The following CD9 variants were observed in gnomAD, a reference collection of about 807,000 sequenced individuals.
The protein encoded by CD9 is CD9 molecule.
Under a neutral mutation model 31.4 loss-of-function variants are expected in CD9, and 10 were observed. The observed-to-expected ratio is 0.32, with a 90% CI of 0.20 to 0.54. CD9 has a LOEUF of 0.54. Ranked by LOEUF, CD9 falls within the 20% of genes least tolerant of loss-of-function variation. The pLI is 0.94. For synonymous variants in CD9, 113 were observed against 114.1 expected (o/e 0.99, Z 0.06); for missense variants, 259 against 300.1 (o/e 0.86, Z 1.01).
intron 3 of CD9, chr12:6,233,021 C>T: frequency 1.4e-6 from 1 of 702,416 alleles, no homozygotes; most frequent in South Asian, 1.5e-5. Context: ...TTTGCCTTCT[C>T]CTTCTTGTTT....
In CD9 at chr12:6,209,914, A is replaced by G. The variant is rs552737960; in HGVS notation, c.66+9349A>G. On this transcript the variant is annotated intron_variant, in intron 1 of 7. Transcript: ENST00000009180. ...TGACCAGGCTGGTCTCGAACTGCTG[A>G]CCTCAGGTGATACGCCCACCTCGGC... Among the ~76,000 whole-genome samples, 158 of 152,124 alleles carry G rather than the reference A, an allele frequency of 1.0e-3. 1 individual carries two copies. Among genetic ancestry groups the G allele is most frequent in the African/African-American group, 3.7e-3 (154 of 41,486 alleles).
At chr12:6,207,864 T>A (rs571935243) in intron 1 of CD9, among the ~76,000 whole-genome samples, 1 of 152,370 alleles carries the variant, frequency 6.6e-6, no homozygotes, top group South Asian at 2.1e-4. Flanking sequence ...GCCCTTCCTC[T>A]TCAATCCTTA....
At chr12:6,235,952 AG>A in intron 6 of CD9, 1 of 1,407,180 alleles carries the variant, frequency 7.1e-7, no homozygotes, top group South Asian at 1.6e-5. Flanking sequence ...ACCCCCAAGC[AG>A]GGCCTGTCCC....
Position 6,205,497 on chromosome 12 carries a change from A to G in CD9, c.66+4932A>G, listed in dbSNP as rs539452663. Reference sequence around the variant, plus strand: ...GGGGCCCTGCCAGTACTGACTCTAGATGAGCCCTCTGCGGCTGCTGGGCTC... The same window carrying G: ...GGGGCCCTGCCAGTACTGACTCTAGGTGAGCCCTCTGCGGCTGCTGGGCTC... On this transcript the variant is annotated intron_variant, in intron 1 of 7. Transcript: ENST00000009180. 9.9e-5 allele frequency among the ~76,000 whole-genome samples: 15 copies of G among 152,242 alleles called. No individual in the cohort carries two copies. The South Asian group carries it at 3.1e-3, about 32-fold the overall frequency.
chr12:6,216,169 G>A (rs1226772925), intron 1 of CD9, among the ~76,000 whole-genome samples: 1 of 152,270 alleles, frequency 6.6e-6, no homozygotes, highest in African/African-American at 2.4e-5. Context: ...ATGGAGATGG[G>A]CGAGGCCCAG....
At position 6,236,683 on chromosome 12, in the gene CD9, C is replaced by T. The variant is rs11568291; in HGVS notation, c.621+408C>T. ...CTGAAGTGCATCTGAACATGGGCAG[C>T]CAGAAGGAGGTCTCTCGCTAATCAG... On this transcript the variant is annotated intron_variant, in intron 7 of 7. Coordinates refer to ENST00000009180, the MANE Select transcript of CD9 (RefSeq NM_001769.4). The T allele has an allele frequency of 2.4e-3, 991 of 405,816 alleles. 2 individuals are homozygous for T. The highest frequency in any genetic ancestry group is 4.5e-3 in the Admixed American group (112 of 24,824). 25.1% of individuals were successfully genotyped at this position (405,816 alleles called of 1,614,324 possible). A position where few individuals can be genotyped will look rare whatever the true frequency, so the allele number is the denominator to read the frequency against.
At chr12:6,201,978 C>T (rs539797179) in intron 1 of CD9, among the ~76,000 whole-genome samples, 8 of 152,168 alleles carry the variant, frequency 5.3e-5, no homozygotes, top group Non-Finnish European at 8.8e-5. Context: ...GTCAAGGCTG[C>T]GGTGAGTCAT....
At chr12:6,225,375 GTGT>G (rs1591974080) in intron 1 of CD9, 48 bp from the exon 2 acceptor site, 2 of 1,231,736 alleles carry the variant, frequency 1.6e-6, no homozygotes, top group East Asian at 4.6e-5. Context: ...CGTGGGGACT[GTGT>G]TGTTGCTGGC....
At chr12:6,225,918 C>T (rs752385073) in intron 2 of CD9, among the ~76,000 whole-genome samples, 1 of 152,122 alleles carries the variant, frequency 6.6e-6, no homozygotes, top group Non-Finnish European at 1.5e-5. Context: ...TGGGGATCTG[C>T]AGTGCTGGAA....
intron 1 of CD9, among the ~76,000 whole-genome samples, chr12:6,203,974 G>A (rs747227937): frequency 4.6e-5 from 7 of 152,272 alleles, no homozygotes; most frequent in Middle Eastern, 6.8e-3. Context: ...GGAAACAGCA[G>A]TGTGGGGCTG....
At chr12:6,211,126 G>A (rs905184397) in intron 1 of CD9, among the ~76,000 whole-genome samples, 7 of 152,246 alleles carry the variant, frequency 4.6e-5, no homozygotes, top group Non-Finnish European at 7.4e-5. Context: ...TTGAGCCACC[G>A]TGCCCGGCCC....
Position 6,232,798 on chromosome 12 carries a change from C to A in CD9, c.273+69C>A. On this transcript the variant is annotated intron_variant, in intron 3 of 7. Transcript: ENST00000009180. This position sits in a 1 kb window ranked among gnomAD's most constrained non-coding sequence, Gnocchi z 4.8. ...CAACAAAAACCTCAGCAGGCCCAGA[C>A]CCAGACCACAGAACAGATGGAGGGG... is the stretch of plus-strand genomic sequence containing the variant. The A allele has an allele frequency of 9.8e-7, 1 of 1,021,262 alleles. No homozygotes were observed. Among genetic ancestry groups the A allele is most frequent in the Non-Finnish European group, 1.5e-6 (1 of 677,338 alleles). The allele number at this position is 1,021,262 out of a possible 1,614,324, so 63.3% of individuals were successfully genotyped here.
intron 1 of CD9, among the ~76,000 whole-genome samples, chr12:6,216,872 C>T (rs1049395852): frequency 4.6e-5 from 7 of 152,140 alleles, no homozygotes; most frequent in Admixed American, 3.9e-4. Context: ...TGTCACCTCA[C>T]GTCTTTCTCA....
At chr12:6,206,751 A>G (rs919454676) in intron 1 of CD9, among the ~76,000 whole-genome samples, 1 of 152,124 alleles carries the variant, frequency 6.6e-6, no homozygotes, top group Non-Finnish European at 1.5e-5. Flanking sequence ...AAAAATACTT[A>G]GTTGTGGATA....
Position 6,236,590 on chromosome 12 carries a change from C to T in CD9, c.621+315C>T, listed in dbSNP as rs11568270. The stretch of plus-strand genomic sequence containing the variant: ...AGTCCTCGGAGCATGTCTCCTCACG[C>T]ACCTGCTGTTCTTCTCCCTAAGAAA... On this transcript the variant is annotated intron_variant, in intron 7 of 7. Transcript: ENST00000009180. The T allele has an allele frequency of 5.9e-3, 2,652 of 450,480 alleles. 66 individuals carry two copies. The highest frequency in any genetic ancestry group is 0.047 in the African/African-American group (2,368 of 50,794). The allele number at this position is 450,480 out of a possible 1,614,324, so 27.9% of individuals were successfully genotyped here.
chr12:6,236,686 GA>G (rs1220994024), intron 7 of CD9: 5 of 405,602 alleles, frequency 1.2e-5, no homozygotes, highest in Non-Finnish European at 2.2e-5. Flanking sequence ...TGGGCAGCCA[GA>G]AGGAGGTCTC....
intron 2 of CD9, among the ~76,000 whole-genome samples, chr12:6,229,727 A>G (rs1946419558): frequency 6.6e-6 from 1 of 152,028 alleles, no homozygotes; most frequent in African/African-American, 2.4e-5. Context: ...TCCCTGGGCT[A>G]AACTGAGAGC....
chr12:6,229,023 G>A (rs1946406623), intron 2 of CD9, among the ~76,000 whole-genome samples: 2 of 152,238 alleles, frequency 1.3e-5, no homozygotes, highest in South Asian at 4.1e-4. Context: ...ACAGTCTATG[G>A]TAAGTCCAGA....
intron 1 of CD9, chr12:6,225,179 G>A (rs910783413): frequency 1.3e-5 from 7 of 532,836 alleles, no homozygotes; most frequent in Non-Finnish European, 2.3e-5. Context: ...GTGTTCTGTT[G>A]CCTATAAAAT....
Sources: gnomAD v4.1 joint callset for allele counts (sites outside exome capture counted in the v4.1 genomes callset) on GRCh38, gnomAD v4.1.1 for gene constraint, Gnocchi (gnomAD v3.1) non-coding constraint, MANE v1.5 for transcripts, NCBI Gene and HGNC (gene_info 2026-07-23, HGNC 2026-07-21) for gene names.